The following CAMKMT variants were observed in gnomAD, a reference collection of about 807,000 sequenced individuals.
CAMKMT encodes calmodulin-lysine N-methyltransferase.
In CAMKMT, 53 loss-of-function variants were observed where a neutral mutation model predicts 48.0. That is an observed-to-expected ratio of 1.10 (90% CI 0.89 to 1.39). The LOEUF (loss-of-function observed/expected upper bound fraction) is 1.39, where lower values mean the gene tolerates loss of function less well. CAMKMT is among the 40% of genes most tolerant of loss of function. CAMKMT has a pLI of 0.00. For missense variants in CAMKMT, 428 were observed against 402.7 expected (o/e 1.06, Z -0.54); for synonymous variants, 165 against 152.3 (o/e 1.08, Z -0.61).
Position 44,430,849 on chromosome 2 carries a change from A to G in CAMKMT, c.376+40544A>G, listed in dbSNP as rs879895600. 3.7e-4 allele frequency among the ~76,000 whole-genome samples: 56 copies of G among 152,320 alleles called. 1 individual carries two copies. Among genetic ancestry groups the G allele is most frequent in the Admixed American group, 3.4e-3 (52 of 15,302 alleles). The stretch of plus-strand genomic sequence containing the variant: ...CAGAAGCAAGGAATTAAGTAGGGTA[A>G]ATTACATGAGATTAGGAAAAGATAG... On this transcript the variant is annotated intron_variant, in intron 3 of 10. Transcript: ENST00000378494.
At chr2:44,663,659 C>T (rs2104093106) in intron 3 of CAMKMT, among the ~76,000 whole-genome samples, 1 of 152,246 alleles carries the variant, frequency 6.6e-6, no homozygotes, top group Middle Eastern at 3.4e-3. Flanking sequence ...CAGTTATGCC[C>T]CAATGCCTAT....
intron 2 of CAMKMT, among the ~76,000 whole-genome samples, chr2:44,381,257 A>G (rs1003499021): frequency 1.3e-5 from 2 of 152,226 alleles, no homozygotes; most frequent in African/African-American, 4.8e-5. Flanking sequence ...CTTTTAAAAC[A>G]TGTACTTAAC....
intron 3 of CAMKMT, among the ~76,000 whole-genome samples, chr2:44,628,768 T>C (rs1356432200): frequency 1.3e-5 from 2 of 152,216 alleles, no homozygotes; most frequent in African/African-American, 4.8e-5. Context: ...ATTTATTCTT[T>C]GACCTATACA....
At chr2:44,710,405 A>G (rs1445039985) in intron 6 of CAMKMT, among the ~76,000 whole-genome samples, 1 of 152,144 alleles carries the variant, frequency 6.6e-6, no homozygotes, top group Non-Finnish European at 1.5e-5. Flanking sequence ...ATATTTTCTT[A>G]GATTCATGGG....
chr2:44,529,930 C>A (rs896660797), intron 3 of CAMKMT, among the ~76,000 whole-genome samples: 3 of 152,128 alleles, frequency 2.0e-5, no homozygotes, highest in Non-Finnish European at 4.4e-5. Context: ...CAGTGCAGTG[C>A]CGCATATATA....
chr2:44,512,821 A>G (rs947303395), intron 3 of CAMKMT, among the ~76,000 whole-genome samples: 1 of 146,776 alleles, frequency 6.8e-6, no homozygotes, highest in Non-Finnish European at 1.5e-5. Context: ...CTTAAGATAA[A>G]TGCAAACCAA....
In CAMKMT at chr2:44,653,394, A is replaced by G. The variant is rs995317029; in HGVS notation, c.377-50889A>G. Among the ~76,000 whole-genome samples the G allele has an allele frequency of 6.6e-6, 1 of 152,218 alleles. No homozygotes were observed. Among genetic ancestry groups the G allele is most frequent in the Admixed American group, 6.5e-5 (1 of 15,284 alleles). ...GTGCCATTTGCTGTAAAAATCAACC[A>G]AAAGAGAATCGCAGACTTTTAGAAT... On this transcript the variant is annotated intron_variant, in intron 3 of 10. Transcript: ENST00000378494. The surrounding 1 kb of genome is among the most constrained non-coding windows in gnomAD (Gnocchi z 5.2).
rs6741112 is a variant in CAMKMT at position 44,371,185 on chromosome 2, A to G, written c.139-1531A>G. On this transcript the variant is annotated intron_variant, in intron 1 of 10. Coordinates refer to ENST00000378494, the MANE Select transcript of CAMKMT (RefSeq NM_024766.5). ...TTTTTAGTAAGGATGGGGTTTCACC[A>G]TGTTGGCCAGGCTGGTCTCAAACTC... is the stretch of plus-strand genomic sequence containing the variant. Among the ~76,000 whole-genome samples the G allele has an allele frequency of 9.2e-3, 1,406 of 152,172 alleles. 22 individuals carry two copies. The highest frequency in any genetic ancestry group is 0.032 in the African/African-American group (1,327 of 41,514).
chr2:44,539,602 C>T (rs1666978676), intron 3 of CAMKMT, among the ~76,000 whole-genome samples: 1 of 152,104 alleles, frequency 6.6e-6, no homozygotes, highest in African/African-American at 2.4e-5. Context: ...GTCCAGTTCA[C>T]AATCATGCCT....
At chr2:44,439,701 C>T (rs867875922) in intron 3 of CAMKMT, among the ~76,000 whole-genome samples, 9 of 151,676 alleles carry the variant, frequency 5.9e-5, no homozygotes, top group South Asian at 2.1e-4. Context: ...AGCCGGGCGT[C>T]GTGGCGGGCG....
intron 3 of CAMKMT, among the ~76,000 whole-genome samples, chr2:44,549,080 G>C (rs1377345943): frequency 6.6e-6 from 1 of 152,118 alleles, no homozygotes; most frequent in African/African-American, 2.4e-5. Flanking sequence ...TCCGAGATCA[G>C]ATGGAAACAT....
intron 2 of CAMKMT, among the ~76,000 whole-genome samples, chr2:44,388,859 T>C (rs1225276944): frequency 5.3e-5 from 8 of 152,174 alleles, no homozygotes; most frequent in Admixed American, 5.2e-4. Context: ...GTGAACTGTC[T>C]ATGGGTCTCT....
chr2:44,598,794 G>T (rs1670818663), intron 3 of CAMKMT, among the ~76,000 whole-genome samples: 1 of 150,276 alleles, frequency 6.7e-6, no homozygotes, highest in Non-Finnish European at 1.5e-5. Flanking sequence ...ATGAAAAGAA[G>T]GAATAAATAA....
chr2:44,592,404 A>G (rs373995652), intron 3 of CAMKMT, among the ~76,000 whole-genome samples: 3 of 152,010 alleles, frequency 2.0e-5, no homozygotes, highest in African/African-American at 4.8e-5. Context: ...TCTTTTTACC[A>G]TCTATAGAAT....
chr2:44,736,954 T>C (rs188849335), intron 7 of CAMKMT, among the ~76,000 whole-genome samples: 9 of 152,326 alleles, frequency 5.9e-5, no homozygotes, highest in Admixed American at 1.3e-4. Context: ...CTGACATCTC[T>C]GTCAGTTTTC....
chr2:44,548,896 C>CTGTTATTTCACTGTTA, intron 3 of CAMKMT, among the ~76,000 whole-genome samples: 1 of 152,256 alleles, frequency 6.6e-6, no homozygotes, highest in South Asian at 2.1e-4. Flanking sequence ...TTATTTCAGC[C>CTGTTATTTCACTGTTA]TTGTGATTCC....
chr2:44,571,959 A>G (rs1404520657), intron 3 of CAMKMT, among the ~76,000 whole-genome samples: 1 of 152,262 alleles, frequency 6.6e-6, no homozygotes, highest in African/African-American at 2.4e-5. Context: ...ATGAATTATT[A>G]CCAAAAATCC....
At chr2:44,616,378 A>G (rs1176845521) in intron 3 of CAMKMT, among the ~76,000 whole-genome samples, 1 of 152,186 alleles carries the variant, frequency 6.6e-6, no homozygotes, top group Non-Finnish European at 1.5e-5. Flanking sequence ...ATTGTTCCCC[A>G]TGGAAGAAGA....
intron 3 of CAMKMT, among the ~76,000 whole-genome samples, chr2:44,650,155 T>C (rs1355747702): frequency 6.6e-6 from 1 of 152,174 alleles, no homozygotes; most frequent in Non-Finnish European, 1.5e-5. Context: ...AAAGTCAAGG[T>C]GTAGAGCCAT....
Sources: allele counts gnomAD v4.1 joint callset (sites outside exome capture counted in the v4.1 genomes callset), GRCh38; gene constraint gnomAD v4.1.1; non-coding constraint Gnocchi (gnomAD v3.1); transcripts MANE v1.5; gene names NCBI Gene and HGNC (gene_info 2026-07-23, HGNC 2026-07-21).